CCDC93: variants seen among roughly 807,000 people sequenced by gnomAD.
CCDC93 encodes coiled-coil domain-containing protein 93.
In CCDC93, 61 loss-of-function variants were observed where a neutral mutation model predicts 108.2. The observed-to-expected ratio is 0.56, with a 90% confidence interval of 0.46 to 0.70. The LOEUF is 0.70. Ranked by LOEUF, CCDC93 falls within the 30% of genes least tolerant of loss-of-function variation. The pLI is 0.00. For synonymous variants in CCDC93, 276 were observed against 260.4 expected (o/e 1.06, Z -0.58); for missense variants, 685 against 764.2 (o/e 0.90, Z 1.22).
At chr2:117,927,334 C>T (rs1048417685) in intron 23 of CCDC93, among the ~76,000 whole-genome samples, 15 of 152,260 alleles carry the variant, frequency 9.9e-5, no homozygotes, top group African/African-American at 3.6e-4. Flanking sequence ...CAAATTGTCC[C>T]TGTTTGGAGA....
intron 23 of CCDC93, among the ~76,000 whole-genome samples, chr2:117,925,416 G>C (rs1268375759): frequency 6.6e-6 from 1 of 152,140 alleles, no homozygotes; most frequent in South Asian, 2.1e-4. Context: ...AAAATAAAGG[G>C]ATGGAGGAAG....
chr2:118,013,890 GC>G, intron 1 of CCDC93, 63 bp downstream of exon 1: 1 of 1,441,286 alleles, frequency 6.9e-7, no homozygotes, highest in East Asian at 2.7e-5. Flanking sequence ...TCAGCCCGCC[GC>G]CCCGCGGCTC....
chr2:117,921,199 A>C (rs1349656112), intron 23 of CCDC93, among the ~76,000 whole-genome samples: 1 of 149,498 alleles, frequency 6.7e-6, no homozygotes, highest in Non-Finnish European at 1.5e-5. Context: ...AAAAAAAGAT[A>C]ACCTGCCCTT....
Position 117,973,588 on chromosome 2 carries a change from A to G in CCDC93, c.888+320T>C, listed in dbSNP as rs140730821. 9.8e-4 allele frequency among the ~76,000 whole-genome samples: 150 copies of G among 152,296 alleles called. 1 individual carries two copies. In the East Asian group the frequency reaches 0.011, roughly 11 times the overall value. On this transcript the variant is annotated intron_variant, in intron 11 of 23. Coordinates refer to ENST00000376300, the MANE Select transcript of CCDC93 (RefSeq NM_019044.5). ...CCAATCATCAAACTGAGCCCAAGTT[A>G]TAAGAGGCCTGATAGAAAAGAAAAA...
chr2:117,944,185 A>G, intron 17 of CCDC93, 99 bp from the exon 18 acceptor site: 1 of 797,874 alleles, frequency 1.3e-6, no homozygotes, highest in Non-Finnish European at 2.0e-6. Flanking sequence ...TATCTCCCCC[A>G]TCCTAAGGCC....
chr2:118,009,780 T>C (rs1676974280), intron 1 of CCDC93, among the ~76,000 whole-genome samples: 3 of 152,212 alleles, frequency 2.0e-5, no homozygotes, highest in African/African-American at 2.4e-5. Flanking sequence ...ACTTCCCTTT[T>C]CGATCTCGAA....
chr2:117,997,975 G>A (rs1175914498), intron 4 of CCDC93: 1 of 152,266 alleles, frequency 6.6e-6, no homozygotes, highest in Non-Finnish European at 1.5e-5. Context: ...ATCCCATTAT[G>A]AAGGGAAAGC....
chr2:117,957,087 T>C (rs1679245358), intron 12 of CCDC93, among the ~76,000 whole-genome samples: 1 of 152,016 alleles, frequency 6.6e-6, no homozygotes, highest in Admixed American at 6.6e-5. Flanking sequence ...ACAGGGAGTC[T>C]CCAAGTTGGT....
Position 117,995,463 on chromosome 2 carries a change from T to G in CCDC93, c.502A>C (p.Thr168Pro), listed in dbSNP as rs768595029. The change falls in exon 6 of 24, where the codon ACA becomes CCA. Residue 168 changes from threonine (T) to proline (P), a missense_variant. Coordinates refer to ENST00000376300, the MANE Select transcript of CCDC93 (RefSeq NM_019044.5). The part of the protein sequence containing the change: ...FIKRKEKAIK[T>P]VVDLSEVYKP... ...GGACTTACTGAGAGGTCCACAACTGTCTTGATGGCCTTTTCTTTTCTCTTT... is the reference window on the plus strand; with the variant it reads ...GGACTTACTGAGAGGTCCACAACTGGCTTGATGGCCTTTTCTTTTCTCTTT... The G allele has an allele frequency of 6.2e-7, 1 of 1,613,542 alleles. No individual in the cohort carries two copies. Among genetic ancestry groups the G allele is most frequent in the South Asian group, 1.1e-5 (1 of 91,064 alleles).
At chr2:117,964,841 G>A (rs1289875284) in intron 11 of CCDC93, among the ~76,000 whole-genome samples, 4 of 152,154 alleles carry the variant, frequency 2.6e-5, no homozygotes, top group Admixed American at 6.6e-5. Context: ...GGCCTCAAGC[G>A]ATCCTCTCGC....
chr2:117,929,277 C>G (rs1339189060), intron 23 of CCDC93, among the ~76,000 whole-genome samples: 1 of 152,094 alleles, frequency 6.6e-6, no homozygotes, highest in South Asian at 2.1e-4. Flanking sequence ...AAGAAATATG[C>G]AAAAACATAT....
intron 7 of CCDC93, among the ~76,000 whole-genome samples, chr2:117,982,159 T>C (rs1308062129): frequency 2.8e-5 from 4 of 143,672 alleles, no homozygotes; most frequent in Non-Finnish European, 6.1e-5. Flanking sequence ...TAGAATGACT[T>C]CAAGAACTCA....
At chr2:117,951,352 T>TAG (rs2104744808) in intron 13 of CCDC93, 1 of 985,366 alleles carries the variant, frequency 1.0e-6, no homozygotes, top group African/African-American at 1.7e-5. Flanking sequence ...AGAAAAAAAT[T>TAG]ATTCTAATTG....
At chr2:117,950,940 C>G in intron 13 of CCDC93, 3 of 985,364 alleles carry the variant, frequency 3.0e-6, no homozygotes, top group Non-Finnish European at 3.6e-6. Flanking sequence ...AATGATATGC[C>G]CAGAGCAATG....
intron 6 of CCDC93, among the ~76,000 whole-genome samples, chr2:117,987,271 C>T (rs1337596331): frequency 6.6e-6 from 1 of 152,136 alleles, no homozygotes; most frequent in Non-Finnish European, 1.5e-5. Flanking sequence ...AGGAAGCAGA[C>T]ACTGAATAAT....
chr2:118,009,196 C>T (rs1217703895), intron 1 of CCDC93, among the ~76,000 whole-genome samples: 6 of 151,754 alleles, frequency 4.0e-5, no homozygotes, highest in Non-Finnish European at 7.4e-5. Context: ...CATGGTGAAA[C>T]GCTATCTCAA....
chr2:117,954,246 T>C (rs1308523066), intron 12 of CCDC93, among the ~76,000 whole-genome samples: 2 of 152,044 alleles, frequency 1.3e-5, no homozygotes, highest in Admixed American at 6.6e-5. Context: ...AACATGACAT[T>C]GTAACTGTGG....
chr2:117,979,463 C>T (rs2104790223), intron 7 of CCDC93, among the ~76,000 whole-genome samples: 1 of 152,326 alleles, frequency 6.6e-6, no homozygotes, highest in Admixed American at 6.5e-5. Flanking sequence ...ATGCTCCTCT[C>T]ACTTCCCAGA....
intron 6 of CCDC93, among the ~76,000 whole-genome samples, chr2:117,989,059 A>G (rs549994696): frequency 2.6e-5 from 4 of 152,356 alleles, no homozygotes; most frequent in East Asian, 1.9e-4. Flanking sequence ...TTGGCTCAAA[A>G]GTTGACCAGC....
Sources: allele counts gnomAD v4.1 joint callset (sites outside exome capture counted in the v4.1 genomes callset), GRCh38; gene constraint gnomAD v4.1.1; transcripts MANE v1.5; gene names NCBI Gene and HGNC (gene_info 2026-07-23, HGNC 2026-07-21).